Variants in NIN observed in about 807,000 individuals in gnomAD.
NIN encodes ninein, also known as glycogen synthase kinase 3 beta-interacting protein.
In NIN, 137 loss-of-function variants were observed where a neutral mutation model predicts 257.6. The observed-to-expected ratio is 0.53, with a 90% confidence interval of 0.46 to 0.61. The LOEUF is 0.61. Among genes scored for constraint, NIN ranks in the 20% least tolerant of loss-of-function variants. The pLI, the probability that NIN is intolerant of heterozygous loss-of-function variation, is 0.00. For missense variants in NIN, 2,439 were observed against 2,501.2 expected (o/e 0.98, Z 0.53); for synonymous variants, 918 against 919.8 (o/e 1.00, Z 0.04).
At chr14:50,784,712 TG>T (rs150345085) in intron 5 of NIN, among the ~76,000 whole-genome samples, 5,249 of 152,330 alleles carry the variant, frequency 0.034, 107 homozygotes, top group Non-Finnish European at 0.051. Flanking sequence ...TGTTGTACAC[TG>T]TAAACGTACA....
chr14:50,747,520 A>G (rs1227181585), intron 22 of NIN, among the ~76,000 whole-genome samples: 1 of 151,936 alleles, frequency 6.6e-6, no homozygotes, highest in African/African-American at 2.4e-5. Flanking sequence ...GATTGCTTGA[A>G]CCCAGGAATT....
chr14:50,734,240 C>G (rs535738108), intron 28 of NIN, among the ~76,000 whole-genome samples: 1 of 152,142 alleles, frequency 6.6e-6, no homozygotes, highest in East Asian at 1.9e-4. Context: ...CAGGTGCCCA[C>G]CACCACGCCC....
chr14:50,771,353 T>C lies in NIN; in HGVS notation c.1097A>G (p.Lys366Arg). 5 of 1,614,142 alleles carry C rather than the reference T, an allele frequency of 3.1e-6. No homozygotes were observed. Among genetic ancestry groups the C allele is most frequent in the South Asian group, 2.2e-5 (2 of 91,082 alleles). Residue 366 changes from lysine (K) to arginine (R), a missense_variant, in exon 10 of 31, where the codon AAG becomes AGG. Physicochemically the swap from Lys to Arg is conservative, Grantham distance 26. Around this residue, in one of 3 missense-constraint regions of NIN, gnomAD observed 9 missense variants for 23.7 expected, o/e 0.38. Coordinates refer to ENST00000530997, the MANE Select transcript of NIN (RefSeq NM_020921.4). Reference sequence around the variant, plus strand: ...TCACAACAAATGCCGGATTTCAGCCTTAAAGCTGGCCAGAGCCGCCTGGTG... The same window carrying C: ...TCACAACAAATGCCGGATTTCAGCCCTAAAGCTGGCCAGAGCCGCCTGGTG... ...SIHQAALASF[K>R]AEIRHLLERV...
At chr14:50,739,224 C>A (rs2041151765) in intron 26 of NIN, 84 bp downstream of exon 26, 1 of 1,330,292 alleles carries the variant, frequency 7.5e-7, no homozygotes, top group East Asian at 2.3e-5. Context: ...ACCTTAGAAC[C>A]ATTCCAATCA....
intron 5 of NIN, among the ~76,000 whole-genome samples, chr14:50,791,598 T>C (rs533289774): frequency 6.6e-6 from 1 of 152,202 alleles, no homozygotes; most frequent in Non-Finnish European, 1.5e-5. Context: ...AGACTGGTCA[T>C]GTGTCCTTAT....
At position 50,744,326 on chromosome 14, in the gene NIN, T is replaced by C. The variant is rs750373884; in HGVS notation, c.5104A>G (p.Ile1702Val). ...TCGTTGTAGCTTAGAACACTAGAGA[T>C]TTTTTGCTGGAAGTCAGAGAGATCG... ...CPDLSDFQQKISSVLSYNEKL... is the reference protein window; with the variant it reads ...CPDLSDFQQKVSSVLSYNEKL... The change falls in exon 23 of 31, where the codon ATC becomes GTC. Residue 1702 changes from isoleucine (I) to valine (V), a missense_variant. Around this residue, in one of 3 missense-constraint regions of NIN, gnomAD observed 2,043 missense variants for 2,050.2 expected, o/e 1.00. Transcript: ENST00000530997. 6 of 1,614,014 alleles carry C rather than the reference T, an allele frequency of 3.7e-6. No homozygotes were observed. Among genetic ancestry groups the C allele is most frequent in the African/African-American group, 1.3e-5 (1 of 75,048 alleles).
At position 50,815,784 on chromosome 14, in the gene NIN, C is replaced by T. The variant is rs367820242; in HGVS notation, c.183+6090G>A. ...CAGCACTTTGGGAGGACGAGGTGGGCGGATCTTGAGGTCAGGAGTTTGAGA... is the reference window on the plus strand; with the variant it reads ...CAGCACTTTGGGAGGACGAGGTGGGTGGATCTTGAGGTCAGGAGTTTGAGA... On this transcript the variant is annotated intron_variant, in intron 3 of 30. Coordinates refer to ENST00000530997, the MANE Select transcript of NIN (RefSeq NM_020921.4). Among the ~76,000 whole-genome samples the T allele has an allele frequency of 9.9e-4, 150 of 152,052 alleles. 2 individuals are homozygous for T. In the South Asian group the frequency reaches 0.014, roughly 14 times the overall value.
intron 16 of NIN, 78 bp from the exon 17 acceptor site, chr14:50,760,437 CTTT>C (rs35995624): frequency 0.08 from 32,758 of 407,452 alleles, 22 homozygotes; most frequent in Middle Eastern, 0.11. Flanking sequence ...GCAGCAATTG[CTTT>C]TTTTTTTTTT....
rs568211635 is a variant in NIN at position 50,776,937 on chromosome 14, T to C, written c.666+12A>G. The C allele has an allele frequency of 5.6e-6, 9 of 1,606,578 alleles. No homozygotes were observed. Among genetic ancestry groups the C allele is most frequent in the Non-Finnish European group, 7.7e-6 (9 of 1,176,082 alleles). On this transcript the variant is annotated intron_variant, in intron 7 of 30. Transcript: ENST00000530997. ...CATCATTATCATTCCTGAATTATAC[T>C]GCGAGGCTTACCTCTCCATCCACAT...
chr14:50,739,889 A>T (rs1011740672), intron 25 of NIN, among the ~76,000 whole-genome samples: 3 of 152,264 alleles, frequency 2.0e-5, no homozygotes, highest in Admixed American at 6.5e-5. Context: ...CATAAAGAGA[A>T]GGCTGAAATG....
upstream of NIN, among the ~76,000 whole-genome samples, chr14:50,831,284 G>T (rs575756897): frequency 3.1e-4 from 47 of 151,904 alleles, no homozygotes; most frequent in African/African-American, 1.1e-3. Flanking sequence ...CCTCGCAGAC[G>T]CGCCCTCCCG....
chr14:50,731,420 A>G (rs2040691449), intron 28 of NIN, among the ~76,000 whole-genome samples: 1 of 150,870 alleles, frequency 6.6e-6, no homozygotes, highest in African/African-American at 2.4e-5. Flanking sequence ...GGTCCCAGCT[A>G]CTCGGGAGGC....
chr14:50,748,669 A>G lies in NIN; in HGVS notation c.4951-564T>C, dbSNP rs192154859. Among the ~76,000 whole-genome samples the G allele has an allele frequency of 1.1e-4, 16 of 152,186 alleles. No individual in the cohort carries two copies. In the East Asian group the frequency reaches 1.5e-3, roughly 15 times the overall value. On this transcript the variant is annotated intron_variant, in intron 21 of 30. Coordinates refer to ENST00000530997, the MANE Select transcript of NIN (RefSeq NM_020921.4). ...ATGCAAAAATCACAAGCATTCCTAT[A>G]TACCAATGATAGCCAAATCATGAGT...
chr14:50,740,387 C>T (rs1272648254), intron 25 of NIN, among the ~76,000 whole-genome samples: 32 of 151,088 alleles, frequency 2.1e-4, no homozygotes, highest in South Asian at 6.2e-4. Flanking sequence ...CTAGCTCTGT[C>T]GCCCAGGCTG....
rs1268594745 is a variant in NIN, at chr14:50,732,884, C to T, written c.5877+2632G>A. Among the ~76,000 whole-genome samples the T allele has an allele frequency of 5.9e-5, 9 of 151,542 alleles. No homozygotes were observed. The East Asian group carries it at 7.8e-4, about 13-fold the overall frequency. ...CTGGGACTACAGGCGCATGCCACGG[C>T]GCCCGGCCAATAACACTGTTTTTAA... On this transcript the variant is annotated intron_variant, in intron 28 of 30. Coordinates refer to ENST00000530997, the MANE Select transcript of NIN (RefSeq NM_020921.4).
intron 21 of NIN, among the ~76,000 whole-genome samples, chr14:50,748,758 A>G (rs530395571): frequency 6.6e-5 from 10 of 152,282 alleles, no homozygotes; most frequent in Non-Finnish European, 1.2e-4. Flanking sequence ...TACAAGGGAC[A>G]TGAAGGACCT....
At position 50,720,269 on chromosome 14, in the gene NIN, A is replaced by G. The variant is rs1328768429; in HGVS notation, c.*3194T>C. 2 of 222,304 alleles carry G rather than the reference A, an allele frequency of 9.0e-6. No individual in the cohort carries two copies. The highest frequency in any genetic ancestry group is 4.5e-5 in the African/African-American group (2 of 44,720). The allele number at this position is 222,304 out of a possible 1,614,324, so 13.8% of individuals were successfully genotyped here. A position where few individuals can be genotyped will look rare whatever the true frequency, so the allele number is the denominator to read the frequency against. ...CTACAGGTAATCCATTCAAAACATGACTTGCTTAATACTATCACAAAGCAC... is the reference window on the plus strand; with the variant it reads ...CTACAGGTAATCCATTCAAAACATGGCTTGCTTAATACTATCACAAAGCAC... On this transcript the variant is annotated 3_prime_UTR_variant, in exon 31 of 31. Coordinates refer to ENST00000530997, the MANE Select transcript of NIN (RefSeq NM_020921.4).
rs2042515766 is a variant in NIN at position 50,767,013 on chromosome 14, T to C, written c.1435-123A>G. The C allele has an allele frequency of 8.9e-6, 6 of 670,838 alleles. No individual in the cohort carries two copies. In the Admixed American group the frequency reaches 1.1e-4, roughly 12 times the overall value. 41.6% of individuals were successfully genotyped at this position (670,838 alleles called of 1,614,324 possible). On this transcript the variant is annotated intron_variant, in intron 12 of 30. Transcript: ENST00000530997. ...AGATGTTTATCTATCTTAAAAGCTG[T>C]AGTAGACTACAGGAGGCAAAAGTAA...
intron 5 of NIN, among the ~76,000 whole-genome samples, chr14:50,779,376 T>A (rs1189668782): frequency 6.6e-6 from 1 of 152,256 alleles, no homozygotes; most frequent in East Asian, 1.9e-4. Flanking sequence ...TATGTTGCTA[T>A]GCAGATGGGA....
Sources: allele counts gnomAD v4.1 joint callset (sites outside exome capture counted in the v4.1 genomes callset), GRCh38; gene constraint gnomAD v4.1.1; regional missense constraint gnomAD v4.1.1; transcripts MANE v1.5; gene names NCBI Gene and HGNC (gene_info 2026-07-23, HGNC 2026-07-21).